Variants in HYDIN observed in about 807,000 individuals in gnomAD.
HYDIN encodes HYDIN axonemal central pair apparatus protein, also known as axonemal central pair apparatus protein HYDIN.
In HYDIN, 132 loss-of-function variants were observed where a neutral mutation model predicts 403.9. The observed-to-expected ratio is 0.33, with a 90% confidence interval of 0.28 to 0.38. HYDIN has a LOEUF of 0.38. HYDIN is among the 10% of genes least tolerant of loss of function. The pLI is 1.00. For synonymous variants in HYDIN, 1,202 were observed against 1,891.7 expected (o/e 0.64, Z 9.46); for missense variants, 2,827 against 5,009.5 (o/e 0.56, Z 13.15).
intron 29 of HYDIN, among the ~76,000 whole-genome samples, chr16:70,980,454 T>G (rs1049172723): frequency 6.6e-6 from 1 of 150,730 alleles, no homozygotes; most frequent in Non-Finnish European, 1.5e-5. Flanking sequence ...TACAGTGAGC[T>G]CTGATTGCAC....
chr16:71,230,218 CT>C (rs2041219105), intron 1 of HYDIN, among the ~76,000 whole-genome samples: 1 of 152,206 alleles, frequency 6.6e-6, no homozygotes, highest in Non-Finnish European at 1.5e-5. Flanking sequence ...ACTCTTGGAA[CT>C]GTACACCTAA....
At chr16:70,958,302 T>C (rs2078304739) in intron 39 of HYDIN, among the ~76,000 whole-genome samples, 1 of 152,136 alleles carries the variant, frequency 6.6e-6, no homozygotes, top group Admixed American at 6.5e-5. Context: ...CTGTTCTTCA[T>C]GAAGATTCTG....
At chr16:70,916,717 C>A (rs796909478) in intron 47 of HYDIN, among the ~76,000 whole-genome samples, 1 of 152,178 alleles carries the variant, frequency 6.6e-6, no homozygotes, top group Non-Finnish European at 1.5e-5. Context: ...CCTCCTGCCC[C>A]CTCTCCCAAT....
At chr16:70,840,763 C>G (rs9927165) in intron 75 of HYDIN, among the ~76,000 whole-genome samples, 11,824 of 151,856 alleles carry the variant, frequency 0.078, 1,470 homozygotes, top group African/African-American at 0.27. Flanking sequence ...CATAGGATGT[C>G]AGGTAGAATG....
intron 3 of HYDIN, among the ~76,000 whole-genome samples, chr16:71,180,447 C>G (rs1429979797): frequency 1.3e-5 from 2 of 151,942 alleles, no homozygotes; most frequent in Non-Finnish European, 2.9e-5. Context: ...AAAGAAACAA[C>G]TCAAGTATTA....
intron 58 of HYDIN, among the ~76,000 whole-genome samples, chr16:70,887,240 G>T (rs2041195983): frequency 1.3e-5 from 2 of 152,182 alleles, no homozygotes; most frequent in South Asian, 4.1e-4. Flanking sequence ...ACAGCAAAAG[G>T]ACTTGGTTGA....
At chr16:71,136,834 T>C (rs1294771236) in intron 8 of HYDIN, among the ~76,000 whole-genome samples, 2 of 136,838 alleles carry the variant, frequency 1.5e-5, no homozygotes, top group Non-Finnish European at 3.2e-5. Context: ...TGAAAAGTAA[T>C]AGAGACAGGT....
intron 46 of HYDIN, among the ~76,000 whole-genome samples, 154 bp downstream of exon 46, chr16:70,920,437 C>T (rs1374752479): frequency 6.6e-6 from 1 of 151,768 alleles, no homozygotes; most frequent in African/African-American, 2.4e-5. Context: ...AGAAAAGGTC[C>T]TTTAGTCATT....
chr16:70,971,997 A>G (rs2078746708), intron 35 of HYDIN, among the ~76,000 whole-genome samples: 1 of 152,136 alleles, frequency 6.6e-6, no homozygotes, highest in African/African-American at 2.4e-5. Flanking sequence ...GAAACATTTT[A>G]CTAACTTTGA....
intron 1 of HYDIN, among the ~76,000 whole-genome samples, chr16:71,194,303 CA>C (rs2087584917): frequency 6.6e-6 from 1 of 152,114 alleles, no homozygotes; most frequent in Non-Finnish European, 1.5e-5. Context: ...CCCAGCTACT[CA>C]GGGGGCTGAG....
chr16:71,121,590 A>G (rs559461596), intron 9 of HYDIN, among the ~76,000 whole-genome samples: 1 of 152,252 alleles, frequency 6.6e-6, no homozygotes, highest in East Asian at 1.9e-4. Context: ...TTCACCACAT[A>G]AACAAATATT....
At chr16:71,045,013 T>C (rs967983412) in intron 18 of HYDIN, among the ~76,000 whole-genome samples, 12 of 151,712 alleles carry the variant, frequency 7.9e-5, no homozygotes, top group Admixed American at 6.6e-4. Context: ...TCCTTGTTCC[T>C]AGTGTGCATC....
At position 71,069,652 on chromosome 16, in the gene HYDIN, A is replaced by G. The variant is rs548640643; in HGVS notation, c.1739-150T>C. 2.0e-5 allele frequency: 13 copies of G among 646,938 alleles called. No homozygotes were observed. In the East Asian group the frequency reaches 3.6e-4, roughly 18 times the overall value. The allele number at this position is 646,938 out of a possible 1,614,324, so 40.1% of individuals were successfully genotyped here. On this transcript the variant is annotated intron_variant, in intron 13 of 85. Transcript: ENST00000393567. ...CCAACTTGCCCTAAATATTATTTTT[A>G]TTGTTTCATTCCATCAATAAATACA...
chr16:70,903,050 A>C (rs2076440054), intron 52 of HYDIN, among the ~76,000 whole-genome samples: 1 of 137,928 alleles, frequency 7.3e-6, no homozygotes, highest in East Asian at 2.1e-4. Context: ...AAGAAAAAGC[A>C]CTTTTGGTTA....
chr16:70,914,625 T>C (rs1364635990), intron 47 of HYDIN, among the ~76,000 whole-genome samples: 1 of 123,392 alleles, frequency 8.1e-6, no homozygotes, highest in Non-Finnish European at 1.7e-5. Flanking sequence ...GGTGATGATC[T>C]TTCTGTGATG....
chr16:71,069,634 G>A (rs1239328125), intron 13 of HYDIN, 132 bp from the exon 14 acceptor site: 3 of 632,622 alleles, frequency 4.7e-6, no homozygotes, highest in African/African-American at 1.8e-5. Context: ...ACTCCAACTT[G>A]CCCTAAATAT....
chr16:70,810,075 GC>G, intron 84 of HYDIN, 68 bp from the exon 85 acceptor site: 1 of 1,427,918 alleles, frequency 7.0e-7, no homozygotes, highest in Non-Finnish European at 9.9e-7. Flanking sequence ...CTAGAGACCT[GC>G]CCAAGGCTCC....
intron 57 of HYDIN, 113 bp from the exon 58 acceptor site, chr16:70,889,817 C>T (rs1372720195): frequency 1.7e-5 from 13 of 773,690 alleles, no homozygotes; most frequent in Non-Finnish European, 2.4e-5. Flanking sequence ...GGAAGGGGCC[C>T]TTCTTTGCCC....
At chr16:71,203,394 T>C (rs1567447661) in intron 1 of HYDIN, among the ~76,000 whole-genome samples, 3 of 152,212 alleles carry the variant, frequency 2.0e-5, no homozygotes, top group Admixed American at 1.3e-4. Context: ...GTAGGCATCA[T>C]ACATTTACCT....
Sources: allele counts gnomAD v4.1 joint callset (sites outside exome capture counted in the v4.1 genomes callset), GRCh38; gene constraint gnomAD v4.1.1; transcripts MANE v1.5; gene names NCBI Gene and HGNC (gene_info 2026-07-23, HGNC 2026-07-21).